The following C16orf87 variants were observed in gnomAD, a reference collection of about 807,000 sequenced individuals.
The protein encoded by C16orf87 is HDAC and MIER1 interacting protein 1.
Under a neutral mutation model 21.0 loss-of-function variants are expected in C16orf87, and 13 were observed. The observed-to-expected ratio is 0.62, with a 90% confidence interval of 0.40 to 0.98. The LOEUF (loss-of-function observed/expected upper bound fraction) is 0.98, where lower values mean the gene tolerates loss of function less well. Among genes scored for constraint, C16orf87 ranks in the 50% least tolerant of loss-of-function variants. The probability of loss-of-function intolerance (pLI) is 0.00; values close to 1 mark genes in which losing one functional copy is unlikely to be tolerated. For missense variants in C16orf87, 113 were observed against 180.4 expected (o/e 0.63, Z 2.14); for synonymous variants, 49 against 60.2 (o/e 0.81, Z 0.86).
At chr16:46,806,512 G>A (rs1967933727) in intron 3 of C16orf87, among the ~76,000 whole-genome samples, 1 of 152,058 alleles carries the variant, frequency 6.6e-6, no homozygotes, top group African/African-American at 2.4e-5. Flanking sequence ...ACCAGCCTCG[G>A]CCTCCCACAG....
intron 2 of C16orf87, among the ~76,000 whole-genome samples, chr16:46,815,712 A>G (rs140005967): frequency 1.3e-5 from 2 of 152,318 alleles, no homozygotes; most frequent in East Asian, 3.9e-4. Flanking sequence ...TACTCTTCAG[A>G]TTATTATAAA....
At chr16:46,815,559 T>C (rs1968216787) in intron 2 of C16orf87, among the ~76,000 whole-genome samples, 1 of 151,776 alleles carries the variant, frequency 6.6e-6, no homozygotes, top group Non-Finnish European at 1.5e-5. Flanking sequence ...ACAAAAAAAA[T>C]CCCCAATTCA....
intron 2 of C16orf87, among the ~76,000 whole-genome samples, chr16:46,819,587 G>A (rs941333059): frequency 6.6e-6 from 1 of 151,832 alleles, no homozygotes; most frequent in Non-Finnish European, 1.5e-5. Flanking sequence ...TGGGATTACA[G>A]GCGTGAGCCA....
intron 2 of C16orf87, among the ~76,000 whole-genome samples, chr16:46,820,309 T>A (rs1174392162): frequency 2.0e-5 from 3 of 152,198 alleles, no homozygotes; most frequent in Admixed American, 6.5e-5. Context: ...ATAGTTTTTT[T>A]AAAAAGATGT....
chr16:46,813,327 T>C (rs1226406830), intron 2 of C16orf87, among the ~76,000 whole-genome samples: 1 of 152,138 alleles, frequency 6.6e-6, no homozygotes, highest in Non-Finnish European at 1.5e-5. Context: ...AAATAACTTG[T>C]AGTCGTTTGT....
At position 46,830,964 on chromosome 16, in the gene C16orf87, C is replaced by A. The variant is rs1959835442; in HGVS notation, c.66+120G>T. On this transcript the variant is annotated intron_variant, in intron 1 of 3. Transcript: ENST00000285697. Reference sequence around the variant, plus strand: ...GACCGGCCCCGGATCCCCGCCGCCGCCGGCGGGCCCCAGGATCTGCCCACC... The same window carrying A: ...GACCGGCCCCGGATCCCCGCCGCCGACGGCGGGCCCCAGGATCTGCCCACC... 4 of 610,346 alleles carry A rather than the reference C, an allele frequency of 6.6e-6. No individual in the cohort carries two copies. In the Admixed American group the frequency reaches 1.4e-4, roughly 21 times the overall value. The allele number at this position is 610,346 out of a possible 1,614,324, so 37.8% of individuals were successfully genotyped here.
At chr16:46,814,305 G>T (rs936107783) in intron 2 of C16orf87, among the ~76,000 whole-genome samples, 6 of 152,184 alleles carry the variant, frequency 3.9e-5, no homozygotes, top group African/African-American at 1.4e-4. Flanking sequence ...GGGAGAGCAG[G>T]CCACCAAGGT....
At position 46,802,292 on chromosome 16, in the gene C16orf87, A is replaced by G. The variant is rs1967800841; in HGVS notation, c.*660T>C. ...GAAAACAAGGTGTTTATATCTGAGT[A>G]TATCATTAAATGTTTTTCTTCATAT... is the stretch of plus-strand genomic sequence containing the variant. On this transcript the variant is annotated 3_prime_UTR_variant, in exon 4 of 4. Coordinates refer to ENST00000285697, the MANE Select transcript of C16orf87 (RefSeq NM_001001436.4). 6.6e-6 allele frequency: 1 copy of G among 152,388 alleles called. No individual in the cohort carries two copies. Among genetic ancestry groups the G allele is most frequent in the Non-Finnish European group, 1.5e-5 (1 of 67,966 alleles). 9.4% of individuals were successfully genotyped at this position (152,388 alleles called of 1,614,324 possible).
At chr16:46,830,879 A>C (rs1015311414) in intron 1 of C16orf87, 3 of 372,684 alleles carry the variant, frequency 8.0e-6, no homozygotes, top group African/African-American at 6.4e-5. Context: ...GGCCGCCGCC[A>C]GGTGGACGCT....
chr16:46,800,116 TTATC>T lies in C16orf87; in HGVS notation c.*2832_*2835del, dbSNP rs1254592438. ...GTCAAATACTTTTCAATTTGAAATC[TTATC>T]TGAGGGAGAACACTATCTGATTACT... On this transcript the variant is annotated 3_prime_UTR_variant, in exon 4 of 4. Coordinates refer to ENST00000285697, the MANE Select transcript of C16orf87 (RefSeq NM_001001436.4). The T allele has an allele frequency of 6.6e-6, 1 of 152,088 alleles. No individual in the cohort carries two copies. Among genetic ancestry groups the T allele is most frequent in the African/African-American group, 2.4e-5 (1 of 41,424 alleles). 9.4% of individuals were successfully genotyped at this position (152,088 alleles called of 1,614,324 possible). A position where few individuals can be genotyped will look rare whatever the true frequency, so the allele number is the denominator to read the frequency against.
At position 46,828,655 on chromosome 16, in the gene C16orf87, T is replaced by C. The variant is rs1241956215; in HGVS notation, c.66+2429A>G. ...CATTTTTCAAACTTACACACCCACA[T>C]AAGTAAATCTAGTCAACTGGGAAAT... On this transcript the variant is annotated intron_variant, in intron 1 of 3. Coordinates refer to ENST00000285697, the MANE Select transcript of C16orf87 (RefSeq NM_001001436.4). Among the ~76,000 whole-genome samples, 3 of 152,234 alleles carry C rather than the reference T, an allele frequency of 2.0e-5. No homozygotes were observed. The East Asian group carries it at 5.8e-4, about 29-fold the overall frequency.
chr16:46,812,157 T>C (rs1334997402), intron 2 of C16orf87, among the ~76,000 whole-genome samples: 1 of 151,914 alleles, frequency 6.6e-6, no homozygotes, highest in Non-Finnish European at 1.5e-5. Flanking sequence ...GACATGAGAA[T>C]TGTTTGAACC....
In C16orf87 at chr16:46,831,169, G is replaced by A. The variant is rs11548481; in HGVS notation, c.-20C>T. On this transcript the variant is annotated 5_prime_UTR_variant, in exon 1 of 4. Coordinates refer to ENST00000285697, the MANE Select transcript of C16orf87 (RefSeq NM_001001436.4). ...AGACATGCTCCTCTCCCTTAGCGGC[G>A]GCAGCAGCGACGGCTCGGGCTCCTC... 8.4e-6 allele frequency: 13 copies of A among 1,551,852 alleles called. No homozygotes were observed. Among genetic ancestry groups the A allele is most frequent in the Admixed American group, 1.8e-5 (1 of 55,388 alleles).
intron 3 of C16orf87, chr16:46,807,899 A>C: frequency 5.4e-6 from 2 of 373,286 alleles, no homozygotes; most frequent in Non-Finnish European, 1.1e-5. Flanking sequence ...CAGTTCTACC[A>C]CAAGTATATA....
chr16:46,824,160 TA>T (rs1464548273), intron 2 of C16orf87, among the ~76,000 whole-genome samples: 1 of 152,158 alleles, frequency 6.6e-6, no homozygotes, highest in African/African-American at 2.4e-5. Context: ...CCTTCAAAAA[TA>T]AAAAATTTGT....
In C16orf87 at chr16:46,801,679, ATGT is replaced by A. The variant is rs1268521149; in HGVS notation, c.*1270_*1272del. On this transcript the variant is annotated 3_prime_UTR_variant, in exon 4 of 4. Coordinates refer to ENST00000285697, the MANE Select transcript of C16orf87 (RefSeq NM_001001436.4). The stretch of plus-strand genomic sequence containing the variant: ...TACCATTTAAATAAAGTAGGAAAAA[ATGT>A]TGACCTTTTTTCTTTGAGGAGGTGA... 3 of 152,190 alleles carry A rather than the reference ATGT, an allele frequency of 2.0e-5. No homozygotes were observed. The East Asian group carries it at 5.8e-4, about 29-fold the overall frequency. The allele number at this position is 152,190 out of a possible 1,614,324, so 9.4% of individuals were successfully genotyped here.
At chr16:46,820,846 C>A (rs1273697177) in intron 2 of C16orf87, among the ~76,000 whole-genome samples, 1 of 152,210 alleles carries the variant, frequency 6.6e-6, no homozygotes, top group Non-Finnish European at 1.5e-5. Context: ...TTTTGCCATA[C>A]TCATGAAAGT....
chr16:46,804,652 A>G lies in C16orf87; in HGVS notation c.347-1582T>C, dbSNP rs145536468. ...CATATAGTGAATACACAGATCTTTTATGTGTTCAACTGGAGGAGTTCTGAC... is the reference window on the plus strand; with the variant it reads ...CATATAGTGAATACACAGATCTTTTGTGTGTTCAACTGGAGGAGTTCTGAC... On this transcript the variant is annotated intron_variant, in intron 3 of 3. Transcript: ENST00000285697. Among the ~76,000 whole-genome samples, 24 of 152,324 alleles carry G rather than the reference A, an allele frequency of 1.6e-4. 1 individual carries two copies. The East Asian group carries it at 4.6e-3, about 29-fold the overall frequency.
chr16:46,830,089 T>C (rs1959782911), intron 1 of C16orf87, among the ~76,000 whole-genome samples: 1 of 152,156 alleles, frequency 6.6e-6, no homozygotes, highest in Non-Finnish European at 1.5e-5. Flanking sequence ...ACTCATTAGA[T>C]GTTAAGGCTT....
Sources: allele counts gnomAD v4.1 joint callset (sites outside exome capture counted in the v4.1 genomes callset), GRCh38; gene constraint gnomAD v4.1.1; transcripts MANE v1.5; gene names NCBI Gene and HGNC (gene_info 2026-07-23, HGNC 2026-07-21).